The following MCC variants were observed in gnomAD, a reference collection of about 807,000 sequenced individuals.
MCC encodes the protein MCC regulator of Wnt signaling pathway.
In MCC, 90 loss-of-function variants were observed where a neutral mutation model predicts 116.2. The observed-to-expected ratio is 0.77, with a 90% CI of 0.65 to 0.92. MCC has a LOEUF of 0.92. Ranked by LOEUF, MCC falls within the 40% of genes least tolerant of loss-of-function variation. The probability of loss-of-function intolerance (pLI) is 0.00; values close to 1 mark genes in which losing one functional copy is unlikely to be tolerated. For synonymous variants in MCC, 578 were observed against 510.5 expected, an observed-to-expected ratio of 1.13 and a Z score of -1.78; for missense variants, 1,516 against 1,312.2, an observed-to-expected ratio of 1.16 and a Z score of -2.40.
At chr5:113,410,857 T>A (rs1769970951) in intron 1 of MCC, among the ~76,000 whole-genome samples, 1 of 152,210 alleles carries the variant, frequency 6.6e-6, no homozygotes, top group Non-Finnish European at 1.5e-5. Flanking sequence ...ACACATGGTG[T>A]TTGGTTTTCT....
chr5:113,098,702 A>C (rs991023289), intron 8 of MCC, among the ~76,000 whole-genome samples: 4 of 152,242 alleles, frequency 2.6e-5, no homozygotes, highest in African/African-American at 4.8e-5. Flanking sequence ...CAAAGCTCAG[A>C]AGACCTACAG....
chr5:113,425,389 C>T (rs1021367608), intron 1 of MCC, among the ~76,000 whole-genome samples: 2 of 150,502 alleles, frequency 1.3e-5, no homozygotes, highest in African/African-American at 5.0e-5. Flanking sequence ...GAGAGGGACA[C>T]CACCAAAAGG....
chr5:113,421,877 T>A (rs1223723872), intron 1 of MCC, among the ~76,000 whole-genome samples: 1 of 152,212 alleles, frequency 6.6e-6, no homozygotes, highest in Non-Finnish European at 1.5e-5. Context: ...GGTGATTTGC[T>A]ATTTTCTTCA....
At chr5:113,288,984 A>G (rs1215339421) in intron 3 of MCC, among the ~76,000 whole-genome samples, 1 of 152,192 alleles carries the variant, frequency 6.6e-6, no homozygotes, top group African/African-American at 2.4e-5. Flanking sequence ...GAACAGCTAT[A>G]AAGCAAAACA....
intron 3 of MCC, among the ~76,000 whole-genome samples, chr5:113,212,689 G>T (rs919847639): frequency 6.6e-6 from 1 of 152,144 alleles, no homozygotes; most frequent in African/African-American, 2.4e-5. Flanking sequence ...CCAAAGAAAT[G>T]AGAAGGTGCT....
intron 1 of MCC, among the ~76,000 whole-genome samples, chr5:113,456,545 C>G (rs1250316549): frequency 6.6e-6 from 1 of 151,416 alleles, no homozygotes; most frequent in Non-Finnish European, 1.5e-5. Flanking sequence ...CAAGCTCTGC[C>G]TCCCAGGTTC....
chr5:113,367,188 T>C (rs1227548902), intron 2 of MCC, among the ~76,000 whole-genome samples: 1 of 151,050 alleles, frequency 6.6e-6, no homozygotes, highest in Non-Finnish European at 1.5e-5. Context: ...ATATTCATTA[T>C]GTAAATAATG....
intron 3 of MCC, among the ~76,000 whole-genome samples, chr5:113,161,277 C>A (rs1012149145): frequency 3.9e-5 from 6 of 152,142 alleles, no homozygotes; most frequent in Admixed American, 3.9e-4. Context: ...ACAATTAAAT[C>A]CAGCTAATCA....
intron 3 of MCC, among the ~76,000 whole-genome samples, chr5:113,306,670 G>A (rs1258897974): frequency 6.6e-6 from 1 of 151,920 alleles, no homozygotes; most frequent in Non-Finnish European, 1.5e-5. Flanking sequence ...TTTGTGAGCT[G>A]TCTTTTCCCT....
chr5:113,294,474 C>A (rs776890428), intron 3 of MCC: 1 of 1,598,090 alleles, frequency 6.3e-7, no homozygotes, highest in African/African-American at 1.3e-5. Context: ...CTGCTTGGTC[C>A]CTTCTGCCAC....
At chr5:113,235,723 C>T (rs375241611) in intron 3 of MCC, among the ~76,000 whole-genome samples, 1 of 152,200 alleles carries the variant, frequency 6.6e-6, no homozygotes, top group Non-Finnish European at 1.5e-5. Flanking sequence ...GGACTGGGCA[C>T]CATTTCTCCT....
chr5:113,261,390 AATGTT>A (rs1765214256), intron 3 of MCC, among the ~76,000 whole-genome samples: 2 of 152,188 alleles, frequency 1.3e-5, no homozygotes, highest in Non-Finnish European at 2.9e-5. Context: ...CTCATAATAT[AATGTT>A]AACTGGAAAA....
rs546984839 is a variant in MCC, at chr5:113,294,180, A to G, written c.627+46339T>C. The G allele has an allele frequency of 3.0e-6, 3 of 983,896 alleles. No homozygotes were observed. The South Asian group carries it at 5.2e-5, about 17-fold the overall frequency. 60.9% of individuals were successfully genotyped at this position (983,896 alleles called of 1,614,324 possible). ...AGCACTACAAGTTAAAACAAGATCC[A>G]GAAAATCTACTAATCTTCAATTGCG... On this transcript the variant is annotated intron_variant, in intron 3 of 18. Coordinates refer to ENST00000408903, the MANE Select transcript of MCC (RefSeq NM_001085377.2).
intron 15 of MCC, among the ~76,000 whole-genome samples, chr5:113,051,782 C>A (rs1752505760): frequency 1.3e-5 from 2 of 152,056 alleles, no homozygotes; most frequent in South Asian, 4.2e-4. Flanking sequence ...GAAAAGGAAC[C>A]AAGCACATCA....
At chr5:113,478,915 A>G (rs1772303020) in intron 1 of MCC, among the ~76,000 whole-genome samples, 1 of 152,168 alleles carries the variant, frequency 6.6e-6, no homozygotes, top group African/African-American at 2.4e-5. Flanking sequence ...TACTGTGAGC[A>G]TTACATAAGC....
At chr5:113,459,704 A>T (rs1048818192) in intron 1 of MCC, among the ~76,000 whole-genome samples, 1 of 152,116 alleles carries the variant, frequency 6.6e-6, no homozygotes, top group East Asian at 1.9e-4. Context: ...CTGCTCGCCC[A>T]TTCTACCTTT....
chr5:113,090,506 C>A (rs369782316), intron 8 of MCC, among the ~76,000 whole-genome samples: 56 of 152,256 alleles, frequency 3.7e-4, no homozygotes, highest in African/African-American at 1.3e-3. Context: ...AAAACCACAA[C>A]GGAGATAAGA....
chr5:113,294,786 C>T, intron 3 of MCC: 1 of 988,132 alleles, frequency 1.0e-6, no homozygotes, highest in Non-Finnish European at 1.2e-6. Flanking sequence ...GAGCCGACAC[C>T]CTAGAGGGCA....
At chr5:113,395,890 G>C (rs967399102) in intron 1 of MCC, among the ~76,000 whole-genome samples, 1 of 152,098 alleles carries the variant, frequency 6.6e-6, no homozygotes. Context: ...CAGAATGGTG[G>C]GGGTGGGGGA....
Sources: gnomAD v4.1 joint callset for allele counts (sites outside exome capture counted in the v4.1 genomes callset) on GRCh38, gnomAD v4.1.1 for gene constraint, MANE v1.5 for transcripts, NCBI Gene and HGNC (gene_info 2026-07-23, HGNC 2026-07-21) for gene names.